RPS6KC1: variants seen among roughly 807,000 people sequenced by gnomAD.
The protein encoded by RPS6KC1 is inactive ribosomal protein S6 kinase delta-1.
RPS6KC1 carries 54 observed loss-of-function variants against 103.8 expected under a neutral mutation model. That is an observed-to-expected ratio of 0.52 (90% CI 0.42 to 0.65). The LOEUF (loss-of-function observed/expected upper bound fraction) is 0.65, where lower values mean the gene tolerates loss of function less well. RPS6KC1 is among the 30% of genes least tolerant of loss of function. The pLI is 0.00. For synonymous variants in RPS6KC1, 439 were observed against 438.7 expected, an observed-to-expected ratio of 1.00 and a Z score of -0.01; for missense variants, 1,151 against 1,253.8, an observed-to-expected ratio of 0.92 and a Z score of 1.24.
chr1:213,426,674 C>T, the RPS6KC1 span, among the ~76,000 whole-genome samples: 1 of 152,152 alleles, frequency 6.6e-6, no homozygotes, highest in Non-Finnish European at 1.5e-5. Flanking sequence ...AATTTAGCCC[C>T]ATCACTGCTG....
the RPS6KC1 span, among the ~76,000 whole-genome samples, chr1:213,349,743 A>G: frequency 1.3e-5 from 2 of 152,352 alleles, no homozygotes; most frequent in East Asian, 3.9e-4. Context: ...TCAAAAATAA[A>G]TTGGGAAAAA....
the RPS6KC1 span, among the ~76,000 whole-genome samples, chr1:213,482,384 G>A: frequency 6.6e-6 from 1 of 151,562 alleles, no homozygotes; most frequent in East Asian, 1.9e-4. Context: ...ATTTGTTTTG[G>A]TGTGTAAATC....
intron 12 of RPS6KC1, among the ~76,000 whole-genome samples, chr1:213,243,228 T>C (rs1400934110): frequency 6.6e-6 from 1 of 152,130 alleles, no homozygotes; most frequent in East Asian, 1.9e-4. Context: ...CTAGAACTCC[T>C]GGGCTCAAGG....
At chr1:213,553,148 C>T in the RPS6KC1 span, among the ~76,000 whole-genome samples, 1 of 152,048 alleles carries the variant, frequency 6.6e-6, no homozygotes, top group Non-Finnish European at 1.5e-5. Flanking sequence ...TTTTGCAATC[C>T]TCATTCTCTT....
intron 3 of RPS6KC1, among the ~76,000 whole-genome samples, chr1:213,094,993 A>G (rs1469991897): frequency 6.6e-6 from 1 of 152,246 alleles, no homozygotes; most frequent in Non-Finnish European, 1.5e-5. Context: ...TCATAGAATT[A>G]GAATTGAGAG....
the RPS6KC1 span, among the ~76,000 whole-genome samples, chr1:213,523,621 T>C: frequency 6.6e-6 from 1 of 152,130 alleles, no homozygotes; most frequent in Non-Finnish European, 1.5e-5. Context: ...AATTTTGTTA[T>C]TGTTGTTGTC....
chr1:213,387,191 T>C, the RPS6KC1 span, among the ~76,000 whole-genome samples: 1 of 152,232 alleles, frequency 6.6e-6, no homozygotes, highest in Non-Finnish European at 1.5e-5. Context: ...ACTGAGACTT[T>C]ATCTGTAGCA....
intron 6 of RPS6KC1, among the ~76,000 whole-genome samples, chr1:213,153,866 T>A (rs916271753): frequency 6.6e-6 from 1 of 152,216 alleles, no homozygotes; most frequent in African/African-American, 2.4e-5. Flanking sequence ...GTAAATGTTT[T>A]TTTTTATTTC....
At chr1:213,848,304 T>C in the RPS6KC1 span, among the ~76,000 whole-genome samples, 4 of 152,182 alleles carry the variant, frequency 2.6e-5, no homozygotes, top group Non-Finnish European at 4.4e-5. Flanking sequence ...TTCCTCCCTT[T>C]ATTCCTGACC....
the RPS6KC1 span, among the ~76,000 whole-genome samples, chr1:213,363,683 TTTCTTTCTTTCTTTCTTTCC>T: frequency 1.3e-3 from 113 of 88,796 alleles, 10 homozygotes; most frequent in African/African-American, 5.3e-3. Context: ...TCTTTCTTTC[TTTCTTTCTTTCTTTCTTTCC>T]TTCTTTCTTT....
chr1:213,385,064 G>C, the RPS6KC1 span, among the ~76,000 whole-genome samples: 9 of 152,324 alleles, frequency 5.9e-5, no homozygotes, highest in East Asian at 1.7e-3. Context: ...TTCCCATGAT[G>C]TTATACTGCT....
At chr1:213,719,679 C>A in the RPS6KC1 span, among the ~76,000 whole-genome samples, 1 of 152,148 alleles carries the variant, frequency 6.6e-6, no homozygotes, top group African/African-American at 2.4e-5. Flanking sequence ...AGGATGTGGT[C>A]TCTGTCCCTG....
chr1:213,384,515 T>C, the RPS6KC1 span, among the ~76,000 whole-genome samples: 1 of 151,990 alleles, frequency 6.6e-6, no homozygotes, highest in Non-Finnish European at 1.5e-5. Flanking sequence ...GAGGCTTGCA[T>C]GATGGTTAGG....
the RPS6KC1 span, among the ~76,000 whole-genome samples, chr1:213,379,242 C>T: frequency 3.3e-5 from 5 of 152,098 alleles, no homozygotes; most frequent in Non-Finnish European, 5.9e-5. Flanking sequence ...TCCTAATCCC[C>T]GGTACCTTTA....
At chr1:213,374,493 C>T in the RPS6KC1 span, among the ~76,000 whole-genome samples, 4 of 151,670 alleles carry the variant, frequency 2.6e-5, no homozygotes, top group South Asian at 4.2e-4. Context: ...CTAGGGGGTG[C>T]GCCAGCCAAG....
chr1:213,087,524 A>AT (rs1424835480), intron 3 of RPS6KC1, among the ~76,000 whole-genome samples: 1 of 151,962 alleles, frequency 6.6e-6, no homozygotes, highest in Non-Finnish European at 1.5e-5. Context: ...TTCTTTCAGT[A>AT]TTTTTTCTTT....
chr1:213,762,864 G>GTTT, the RPS6KC1 span, among the ~76,000 whole-genome samples: 50 of 140,712 alleles, frequency 3.6e-4, no homozygotes, highest in Non-Finnish European at 6.0e-4. Flanking sequence ...ATTTTTTTAC[G>GTTT]TTTTTTTTTT....
the RPS6KC1 span, among the ~76,000 whole-genome samples, chr1:213,327,566 C>T: frequency 1.8e-4 from 27 of 152,006 alleles, no homozygotes; most frequent in Middle Eastern, 3.4e-3. Flanking sequence ...TCCTGCATTG[C>T]TACTAGTTGT....
intron 3 of RPS6KC1, among the ~76,000 whole-genome samples, chr1:213,102,937 C>T (rs1018371884): frequency 1.3e-5 from 2 of 152,044 alleles, no homozygotes; most frequent in African/African-American, 4.8e-5. Context: ...TATGGTGGCT[C>T]ATGCCTGCAA....
Sources: allele counts gnomAD v4.1 joint callset (sites outside exome capture counted in the v4.1 genomes callset), GRCh38; gene constraint gnomAD v4.1.1; transcripts MANE v1.5; gene names NCBI Gene and HGNC (gene_info 2026-07-23, HGNC 2026-07-21).